MICALL1: variants seen among roughly 807,000 people sequenced by gnomAD.
The protein encoded by MICALL1 is MICAL-like protein 1.
MICALL1 carries 61 observed loss-of-function variants against 83.7 expected under a neutral mutation model. That is an observed-to-expected ratio of 0.73 (90% CI 0.59 to 0.90). MICALL1 has a LOEUF of 0.90. Ranked by LOEUF, MICALL1 falls within the 40% of genes least tolerant of loss-of-function variation. MICALL1 has a pLI of 0.00. For synonymous variants in MICALL1, 481 were observed against 473.6 expected, an observed-to-expected ratio of 1.02 and a Z score of -0.20; for missense variants, 1,066 against 1,152.0, an observed-to-expected ratio of 0.93 and a Z score of 1.08.
chr22:37,912,363 G>C lies in MICALL1; in HGVS notation c.208G>C (p.Ala70Pro). Residue 70 changes from alanine (A) to proline (P), a missense_variant, in exon 3 of 16, where the codon GCT (alanine) becomes CCT (proline). Ala to Pro is a conservative substitution (Grantham distance 27). Coordinates refer to ENST00000215957, the MANE Select transcript of MICALL1 (RefSeq NM_033386.4). ...FENNRLAFEVAEKELGIPALL... is the reference protein window; with the variant it reads ...FENNRLAFEVPEKELGIPALL... Reference sequence around the variant, plus strand: ...GTCACCACCCCAGGCCTTTGAAGTGGCTGAGAAGGAGCTGGGGATCCCCGC... The same window carrying C: ...GTCACCACCCCAGGCCTTTGAAGTGCCTGAGAAGGAGCTGGGGATCCCCGC... 6.2e-7 allele frequency: 1 copy of C among 1,612,222 alleles called. No homozygotes were observed.
At chr22:37,938,874 A>T (rs927743901) in intron 15 of MICALL1, among the ~76,000 whole-genome samples, 2 of 151,954 alleles carry the variant, frequency 1.3e-5, no homozygotes, top group African/African-American at 4.8e-5. Context: ...CGGCCTCCCA[A>T]AGTGCTGGGA....
At chr22:37,938,496 T>C (rs1930261782) in intron 15 of MICALL1, among the ~76,000 whole-genome samples, 1 of 151,430 alleles carries the variant, frequency 6.6e-6, no homozygotes, top group Admixed American at 6.6e-5. Flanking sequence ...CTCTGTTGTT[T>C]AGGCTGGAGT....
chr22:37,933,370 G>T (rs560637720), intron 13 of MICALL1, among the ~76,000 whole-genome samples: 37 of 152,194 alleles, frequency 2.4e-4, no homozygotes, highest in African/African-American at 8.9e-4. Context: ...GAGGGACCAG[G>T]GATGACAGGC....
In MICALL1 at chr22:37,910,483, G is replaced by A. The variant is rs545454181; in HGVS notation, c.147-1469G>A. Among the ~76,000 whole-genome samples the A allele has an allele frequency of 6.4e-4, 97 of 152,284 alleles. 1 individual carries two copies. The highest frequency in any genetic ancestry group is 1.2e-3 in the Non-Finnish European group (81 of 68,024). On this transcript the variant is annotated intron_variant, in intron 1 of 15. Transcript: ENST00000215957. The stretch of plus-strand genomic sequence containing the variant: ...GTCCTGAACCGGACCGGGAGACAGA[G>A]GTTTCGAGAGGTGAAACACCTTGCT...
chr22:37,919,012 C>A, intron 4 of MICALL1, 24 bp from the exon 5 acceptor site: 1 of 1,528,310 alleles, frequency 6.5e-7, no homozygotes, highest in South Asian at 1.2e-5. Context: ...CTGCTCCCAA[C>A]CTCCCCCACC....
At chr22:37,922,799 T>G (rs1327890038) in intron 6 of MICALL1, among the ~76,000 whole-genome samples, 10 of 136,788 alleles carry the variant, frequency 7.3e-5, no homozygotes, top group South Asian at 2.4e-4. Flanking sequence ...TTTTTTTGTT[T>G]TTTTTTTTTT....
At chr22:37,935,881 C>T (rs1158258970) in intron 13 of MICALL1, among the ~76,000 whole-genome samples, 2 of 152,104 alleles carry the variant, frequency 1.3e-5, no homozygotes, top group Non-Finnish European at 2.9e-5. Context: ...AGGTGTGTGC[C>T]ACCACACCCC....
chr22:37,908,865 G>T (rs1479543073), intron 1 of MICALL1, among the ~76,000 whole-genome samples: 2 of 152,166 alleles, frequency 1.3e-5, no homozygotes, highest in Non-Finnish European at 2.9e-5. Flanking sequence ...CTGGGTGGAC[G>T]TTCTGGCATG....
intron 14 of MICALL1, 40 bp from the exon 15 acceptor site, chr22:37,937,706 G>A: frequency 6.2e-7 from 1 of 1,607,318 alleles, no homozygotes; most frequent in Non-Finnish European, 8.5e-7. Flanking sequence ...TTACAGGTGT[G>A]AGCCACCACG....
chr22:37,909,353 CGAGCCACGTAGGTTTTTTTTTTT>C (rs1928168683), intron 1 of MICALL1, among the ~76,000 whole-genome samples: 1 of 149,070 alleles, frequency 6.7e-6, no homozygotes, highest in South Asian at 2.1e-4. Context: ...CATGCCTGGC[CGAGCCACGTAGGTTTTTTTTTTT>C]GAGACGGAGT....
chr22:37,938,565 T>C (rs1297599649), intron 15 of MICALL1, among the ~76,000 whole-genome samples: 1 of 151,286 alleles, frequency 6.6e-6, no homozygotes, highest in African/African-American at 2.4e-5. Flanking sequence ...GCAATTCTCC[T>C]GTCTCAGCCT....
intron 4 of MICALL1, among the ~76,000 whole-genome samples, chr22:37,918,827 T>C (rs957846081): frequency 5.9e-5 from 9 of 152,230 alleles, no homozygotes; most frequent in Non-Finnish European, 1.3e-4. Flanking sequence ...CTTTCCTCCG[T>C]TCTGGGCTTT....
rs142515624 is a variant in MICALL1 at position 37,922,232 on chromosome 22, G to A, written c.830G>A (p.Arg277Gln). ...ADGPKASPEA[R>Q]PQIPTKPRVP... ...GGACCCAAGGCCAGCCCTGAGGCCCGGCCGCAGATCCCTACCAAGCCCCGG... is the reference window on the plus strand; with the variant it reads ...GGACCCAAGGCCAGCCCTGAGGCCCAGCCGCAGATCCCTACCAAGCCCCGG... The change falls in exon 6 of 16, where the codon CGG (arginine) becomes CAG (glutamine). Residue 277 changes from arginine (R) to glutamine (Q), a missense_variant. Physicochemically the swap from Arg to Gln is conservative, Grantham distance 43 (BLOSUM62 1). Coordinates refer to ENST00000215957, the MANE Select transcript of MICALL1 (RefSeq NM_033386.4). 60 of 1,605,824 alleles carry A rather than the reference G, an allele frequency of 3.7e-5. No individual in the cohort carries two copies. The highest frequency in any genetic ancestry group is 3.1e-4 in the Admixed American group (18 of 58,840).
chr22:37,922,462 T>C, intron 6 of MICALL1, 36 bp downstream of exon 6: 1 of 1,437,996 alleles, frequency 7.0e-7, no homozygotes, highest in Non-Finnish European at 9.2e-7. Flanking sequence ...GGGCACCGGG[T>C]GGCAGTGCAC....
At chr22:37,916,030 G>A (rs771636359) in intron 3 of MICALL1, among the ~76,000 whole-genome samples, 4 of 152,134 alleles carry the variant, frequency 2.6e-5, no homozygotes, top group East Asian at 1.9e-4. Flanking sequence ...CTTAGCCTGC[G>A]GCCTTCCTTG....
chr22:37,912,644 T>TA, intron 3 of MICALL1, 152 bp downstream of exon 3: 2 of 718,410 alleles, frequency 2.8e-6, no homozygotes, highest in Non-Finnish European at 4.0e-6. Context: ...TTGAAATATT[T>TA]CTTTTTTTTT....
At chr22:37,940,305 C>T (rs1263306229) in intron 15 of MICALL1, among the ~76,000 whole-genome samples, 1 of 151,896 alleles carries the variant, frequency 6.6e-6, no homozygotes, top group African/African-American at 2.4e-5. Context: ...TGCCTGTAGT[C>T]CCAGCTACTC....
In MICALL1 at chr22:37,930,346, G is replaced by C. The variant is rs931159428; in HGVS notation, c.1882-1453G>C. Reference sequence around the variant, plus strand: ...TGGGGGCCTTGGGGTGCCACCCTGGGTCATTGGGTGGGTGCTGCCCTGTGG... The same window carrying C: ...TGGGGGCCTTGGGGTGCCACCCTGGCTCATTGGGTGGGTGCTGCCCTGTGG... On this transcript the variant is annotated intron_variant, in intron 9 of 15. Coordinates refer to ENST00000215957, the MANE Select transcript of MICALL1 (RefSeq NM_033386.4). This position sits in a 1 kb window ranked among gnomAD's most constrained non-coding sequence, Gnocchi z 4.8. Among the ~76,000 whole-genome samples, 1 of 152,154 alleles carries C rather than the reference G, an allele frequency of 6.6e-6. No homozygotes were observed. Among genetic ancestry groups the C allele is most frequent in the African/African-American group, 2.4e-5 (1 of 41,442 alleles).
intron 1 of MICALL1, among the ~76,000 whole-genome samples, chr22:37,908,246 A>G (rs1928092739): frequency 6.6e-6 from 1 of 152,002 alleles, no homozygotes; most frequent in Admixed American, 6.6e-5. Flanking sequence ...TGAGATAACA[A>G]GCATTCATTT....
Sources: gnomAD v4.1 joint callset for allele counts (sites outside exome capture counted in the v4.1 genomes callset) on GRCh38, gnomAD v4.1.1 for gene constraint, Gnocchi (gnomAD v3.1) non-coding constraint, MANE v1.5 for transcripts, NCBI Gene and HGNC (gene_info 2026-07-23, HGNC 2026-07-21) for gene names.